The following NCAPD3 variants were observed in gnomAD, a reference collection of about 807,000 sequenced individuals.
NCAPD3 encodes non-SMC condensin II complex subunit D3, also known as condensin-2 complex subunit D3.
In NCAPD3, 105 loss-of-function variants were observed where a neutral mutation model predicts 182.9. The ratio of observed to expected loss-of-function variants is 0.57; its 90% CI spans 0.49 to 0.68. The LOEUF is 0.68. Among genes scored for constraint, NCAPD3 ranks in the 30% least tolerant of loss-of-function variants. NCAPD3 has a pLI of 0.00. For missense variants in NCAPD3, 1,944 were observed against 1,837.0 expected (o/e 1.06, Z -1.07); for synonymous variants, 815 against 679.9 (o/e 1.20, Z -3.09).
At chr11:134,183,722 C>T (rs1213254870) in intron 19 of NCAPD3, among the ~76,000 whole-genome samples, 2 of 152,092 alleles carry the variant, frequency 1.3e-5, no homozygotes, top group African/African-American at 2.4e-5. Context: ...AATAGGTCAA[C>T]AGTCTTAAGT....
Position 134,161,891 on chromosome 11 carries a change from C to T in NCAPD3, c.3574G>A (p.Val1192Ile). 1 of 1,452,938 alleles carries T rather than the reference C, an allele frequency of 6.9e-7. No individual in the cohort carries two copies. The highest frequency in any genetic ancestry group is 9.5e-7 in the Non-Finnish European group (1 of 1,049,574). The allele number at this position is 1,452,938 out of a possible 1,614,324, so 90.0% of individuals were successfully genotyped here. ...QEAQKKLISQ[V>I]QKRNFIENII... The stretch of plus-strand genomic sequence containing the variant: ...TTTTCTATGAAATTCCTCTTCTGAA[C>T]CTGGTAACACAAACAAAGACATGTT... Residue 1192 changes from valine to isoleucine, a missense_variant and splice_region_variant, in exon 28 of 35, where the codon GTT becomes ATT. Transcript: ENST00000534548.
At chr11:134,172,816 T>C (rs992949697) in intron 24 of NCAPD3, among the ~76,000 whole-genome samples, 10 of 151,982 alleles carry the variant, frequency 6.6e-5, no homozygotes, top group Non-Finnish European at 1.3e-4. Flanking sequence ...GGTGAGAAGA[T>C]TGCTTGAGCT....
chr11:134,220,527 T>C (rs1160669845), intron 2 of NCAPD3, 45 bp downstream of exon 2: 3 of 1,565,942 alleles, frequency 1.9e-6, no homozygotes, highest in South Asian at 1.1e-5. Context: ...TTTCATCTTC[T>C]ACTTCTAACA....
chr11:134,225,279 G>T (rs780349854), upstream of NCAPD3: 6 of 1,614,118 alleles, frequency 3.7e-6, no homozygotes, highest in Non-Finnish European at 4.2e-6. Context: ...GGTGAGCCTT[G>T]CCCTCAAGAA....
At chr11:134,189,216 T>C (rs1944474377) in intron 16 of NCAPD3, among the ~76,000 whole-genome samples, 1 of 152,248 alleles carries the variant, frequency 6.6e-6, no homozygotes, top group Non-Finnish European at 1.5e-5. Flanking sequence ...TATTTATTTG[T>C]ACCTTTTTTC....
chr11:134,210,749 A>G (rs767228571), intron 3 of NCAPD3, among the ~76,000 whole-genome samples: 9 of 152,256 alleles, frequency 5.9e-5, no homozygotes, highest in Non-Finnish European at 1.2e-4. Context: ...GACACTGGGC[A>G]CCAGGCAGCA....
chr11:134,170,079 G>A (rs1943970376), intron 24 of NCAPD3, among the ~76,000 whole-genome samples: 1 of 152,134 alleles, frequency 6.6e-6, no homozygotes, highest in Admixed American at 6.5e-5. Flanking sequence ...ATCAGTTTGT[G>A]TTCACAGCAC....
At chr11:134,163,126 GTTC>G (rs1266261709) in intron 27 of NCAPD3, among the ~76,000 whole-genome samples, 2 of 152,170 alleles carry the variant, frequency 1.3e-5, no homozygotes, top group African/African-American at 4.8e-5. Flanking sequence ...CACACCAGAA[GTTC>G]TTGTTTACCT....
At chr11:134,225,231 T>C, upstream of NCAPD3, 2 of 1,613,864 alleles carry the variant, frequency 1.2e-6, no homozygotes, top group Middle Eastern at 1.7e-4. Context: ...GAAGGAGAAA[T>C]ATTTCCTCTT....
rs1034503166 is a variant in NCAPD3 at position 134,152,500 on chromosome 11, T to A, written c.*444A>T. ...GAAAGCTGTACACTTTTTTAAAAAA[T>A]TTGCACTTATAAATAATAGAAAAAA... is the stretch of plus-strand genomic sequence containing the variant. On this transcript the variant is annotated 3_prime_UTR_variant, in exon 35 of 35. Coordinates refer to ENST00000534548, the MANE Select transcript of NCAPD3 (RefSeq NM_015261.3). The A allele has an allele frequency of 3.9e-5, 6 of 153,008 alleles. No homozygotes were observed. The highest frequency in any genetic ancestry group is 1.3e-4 in the Admixed American group (2 of 15,298). The allele number at this position is 153,008 out of a possible 1,614,324, so 9.5% of individuals were successfully genotyped here.
intron 13 of NCAPD3, among the ~76,000 whole-genome samples, chr11:134,197,306 T>A (rs1944652729): frequency 1.4e-5 from 2 of 139,330 alleles, no homozygotes; most frequent in Middle Eastern, 3.7e-3. Context: ...AGACAGAGTC[T>A]CACTCTGCTG....
At chr11:134,206,443 A>C (rs887783026) in intron 8 of NCAPD3, among the ~76,000 whole-genome samples, 156 bp downstream of exon 8, 4 of 152,208 alleles carry the variant, frequency 2.6e-5, no homozygotes, top group African/African-American at 9.7e-5. Flanking sequence ...AGACCCAGAC[A>C]CATAAAGCAC....
At chr11:134,165,200 G>A (rs1184358523) in intron 27 of NCAPD3, among the ~76,000 whole-genome samples, 4 of 150,136 alleles carry the variant, frequency 2.7e-5, no homozygotes, top group Admixed American at 6.6e-5. Flanking sequence ...TGAGCTTGGG[G>A]GAGCGGCACA....
chr11:134,160,179 G>T, intron 28 of NCAPD3, 105 bp from the exon 29 acceptor site: 4 of 1,143,802 alleles, frequency 3.5e-6, no homozygotes, highest in Non-Finnish European at 5.0e-6. Context: ...TGCACATCCT[G>T]CACGTGTACC....
At chr11:134,225,179 A>C (rs1378808831), upstream of NCAPD3, 2 of 1,614,060 alleles carry the variant, frequency 1.2e-6, no homozygotes, top group Admixed American at 3.3e-5. Context: ...TGAACGATGC[A>C]GAGAGTAGGA....
Position 134,209,387 on chromosome 11 carries a change from A to T in NCAPD3, c.658T>A (p.Leu220Ile). 6.2e-7 allele frequency: 1 copy of T among 1,614,108 alleles called. No homozygotes were observed. Among genetic ancestry groups the T allele is most frequent in the Non-Finnish European group, 8.5e-7 (1 of 1,179,962 alleles). Residue 220 changes from leucine to isoleucine, a missense_variant, in exon 5 of 35, where the codon TTA (leucine) becomes ATA (isoleucine). Transcript: ENST00000534548. ...GGCAGAAGCCTTAAAAAATTCTTTA[A>T]AAGGTGAAAGATGGCATTTCGAATT... ...SQIRNAIFHL[L>I]KNFLRLLPKF...
intron 29 of NCAPD3, among the ~76,000 whole-genome samples, chr11:134,158,913 G>A (rs892250204): frequency 1.3e-5 from 2 of 152,138 alleles, no homozygotes; most frequent in African/African-American, 4.8e-5. Flanking sequence ...ATATGAATGA[G>A]AACATACAAT....
intron 27 of NCAPD3, among the ~76,000 whole-genome samples, chr11:134,162,779 C>A (rs978797535): frequency 6.6e-6 from 1 of 152,222 alleles, no homozygotes; most frequent in African/African-American, 2.4e-5. Flanking sequence ...TCTGTCCAGG[C>A]AAAGAGCTAA....
chr11:134,161,932 T>G, intron 27 of NCAPD3, 41 bp from the exon 28 acceptor site: 2 of 1,062,780 alleles, frequency 1.9e-6, no homozygotes, highest in Non-Finnish European at 2.7e-6. Flanking sequence ...TGTATGAACT[T>G]CTGAAAGACA....
Sources: allele counts gnomAD v4.1 joint callset (sites outside exome capture counted in the v4.1 genomes callset), GRCh38; gene constraint gnomAD v4.1.1; transcripts MANE v1.5; gene names NCBI Gene and HGNC (gene_info 2026-07-23, HGNC 2026-07-21).